Variants in PDSS2 observed in about 807,000 individuals in gnomAD.
PDSS2 encodes all trans-polyprenyl-diphosphate synthase PDSS2.
Under a neutral mutation model 44.5 loss-of-function variants are expected in PDSS2, and 31 were observed. The observed-to-expected ratio is 0.70, with a 90% CI of 0.52 to 0.94. The LOEUF (loss-of-function observed/expected upper bound fraction) is 0.94. PDSS2 is among the 40% of genes least tolerant of loss of function. PDSS2 has a pLI of 0.00. For synonymous variants in PDSS2, 157 were observed against 180.3 expected, an observed-to-expected ratio of 0.87 and a Z score of 1.03; for missense variants, 452 against 482.2, an observed-to-expected ratio of 0.94 and a Z score of 0.59.
chr6:107,382,144 G>A (rs1049100889), intron 1 of PDSS2, among the ~76,000 whole-genome samples: 1 of 152,102 alleles, frequency 6.6e-6, no homozygotes, highest in African/African-American at 2.4e-5. Context: ...AGAATATAAG[G>A]TCGACAAGAC....
intron 1 of PDSS2, among the ~76,000 whole-genome samples, chr6:107,369,926 C>A (rs1779080287): frequency 6.6e-6 from 1 of 152,008 alleles, no homozygotes; most frequent in African/African-American, 2.4e-5. Context: ...ATCACTCGAG[C>A]CCAGGAGGTC....
chr6:107,421,584 G>A (rs1400769052), intron 1 of PDSS2, among the ~76,000 whole-genome samples: 1 of 151,896 alleles, frequency 6.6e-6, no homozygotes, highest in African/African-American at 2.4e-5. Context: ...AATCTCAAAA[G>A]GTTACGTACT....
At chr6:107,185,350 C>A (rs1350970212) in intron 7 of PDSS2, among the ~76,000 whole-genome samples, 1 of 151,988 alleles carries the variant, frequency 6.6e-6, no homozygotes, top group Non-Finnish European at 1.5e-5. Context: ...TGGTTTTGAC[C>A]AACTGATGGT....
At chr6:107,230,278 C>T (rs1256724846) in intron 4 of PDSS2, 3 of 151,470 alleles carry the variant, frequency 2.0e-5, no homozygotes, top group Non-Finnish European at 4.4e-5. Context: ...TTTCCTGAAA[C>T]TCCAAGTACC....
intron 6 of PDSS2, among the ~76,000 whole-genome samples, chr6:107,206,174 T>C (rs1486677021): frequency 6.6e-6 from 1 of 152,068 alleles, no homozygotes; most frequent in African/African-American, 2.4e-5. Context: ...TGGGCTCAAG[T>C]GATTCTCCTG....
intron 4 of PDSS2, among the ~76,000 whole-genome samples, chr6:107,213,875 A>G (rs1194873853): frequency 6.6e-6 from 1 of 152,218 alleles, no homozygotes; most frequent in Non-Finnish European, 1.5e-5. Flanking sequence ...AAGGTGTAAA[A>G]GAGGATATAA....
chr6:107,213,172 GTTAATTTTT>G (rs1204628562), intron 4 of PDSS2, among the ~76,000 whole-genome samples: 2 of 151,874 alleles, frequency 1.3e-5, no homozygotes, highest in African/African-American at 4.8e-5. Flanking sequence ...ACCACACCAA[GTTAATTTTT>G]TGTATTTTTT....
intron 3 of PDSS2, among the ~76,000 whole-genome samples, chr6:107,269,189 T>C (rs1164509550): frequency 6.6e-6 from 1 of 152,160 alleles, no homozygotes; most frequent in African/African-American, 2.4e-5. Context: ...CCCAAAGTGC[T>C]GGGATTATAA....
intron 1 of PDSS2, among the ~76,000 whole-genome samples, chr6:107,347,756 CAAGAT>C (rs1488639393): frequency 6.6e-6 from 1 of 152,056 alleles, no homozygotes; most frequent in African/African-American, 2.4e-5. Flanking sequence ...TAAAGTAAGA[CAAGAT>C]ATCTGTATTT....
At chr6:107,428,549 C>G (rs1181460164) in intron 1 of PDSS2, among the ~76,000 whole-genome samples, 2 of 152,034 alleles carry the variant, frequency 1.3e-5, no homozygotes, top group Non-Finnish European at 2.9e-5. Flanking sequence ...AAAATCAGAC[C>G]AGACGCAGTG....
chr6:107,291,365 T>G (rs1479185039), intron 2 of PDSS2, among the ~76,000 whole-genome samples: 1 of 97,426 alleles, frequency 1.0e-5, no homozygotes, highest in African/African-American at 3.9e-5. Context: ...TTTTTTTTTT[T>G]GAGACAGGGT....
intron 3 of PDSS2, chr6:107,264,190 C>A: frequency 9.9e-7 from 1 of 1,005,578 alleles, no homozygotes; most frequent in Admixed American, 4.2e-5. Context: ...CACAAATAGA[C>A]AATAGCATCT....
chr6:107,207,535 T>A (rs146274117), intron 6 of PDSS2, among the ~76,000 whole-genome samples: 2 of 152,056 alleles, frequency 1.3e-5, no homozygotes, highest in African/African-American at 4.8e-5. Flanking sequence ...CAGAACAAGA[T>A]GGTTATCTTA....
intron 4 of PDSS2, among the ~76,000 whole-genome samples, chr6:107,239,436 C>T (rs966410320): frequency 6.6e-6 from 1 of 151,864 alleles, no homozygotes; most frequent in African/African-American, 2.4e-5. Flanking sequence ...AATGATTATG[C>T]TGGGAAGTAA....
intron 1 of PDSS2, among the ~76,000 whole-genome samples, chr6:107,458,514 C>G (rs759293697): frequency 2.0e-5 from 3 of 150,464 alleles, no homozygotes; most frequent in Non-Finnish European, 4.4e-5. Context: ...TGACTACTAA[C>G]GGGATAAATT....
At chr6:107,338,349 A>G (rs1333941398) in intron 1 of PDSS2, among the ~76,000 whole-genome samples, 1 of 152,236 alleles carries the variant, frequency 6.6e-6, no homozygotes, top group African/African-American at 2.4e-5. Context: ...ACATACCACC[A>G]CATCTAGGAA....
intron 4 of PDSS2, among the ~76,000 whole-genome samples, chr6:107,238,160 CT>C (rs1029020905): frequency 2.4e-4 from 37 of 152,252 alleles, no homozygotes; most frequent in Admixed American, 2.1e-3. Context: ...AGAGCTGAAC[CT>C]CTGGAGACAG....
chr6:107,274,667 C>CTTTTTTTTTTTTTTTTTT (rs5878910), intron 2 of PDSS2, among the ~76,000 whole-genome samples: 3 of 106,556 alleles, frequency 2.8e-5, no homozygotes, highest in Non-Finnish European at 3.9e-5. Flanking sequence ...ATCTCTCTCT[C>CTTTTTTTTTTTTTTTTTT]TTTTTTTTTT....
chr6:107,199,981 G>C (rs1403669750), intron 6 of PDSS2, among the ~76,000 whole-genome samples: 1 of 152,060 alleles, frequency 6.6e-6, no homozygotes, highest in Non-Finnish European at 1.5e-5. Flanking sequence ...TCCATCTGTA[G>C]AAAACAAATT....
Sources: allele counts gnomAD v4.1 joint callset (sites outside exome capture counted in the v4.1 genomes callset), GRCh38; gene constraint gnomAD v4.1.1; transcripts MANE v1.5; gene names NCBI Gene and HGNC (gene_info 2026-07-23, HGNC 2026-07-21).